Variants in RPTOR observed in about 807,000 individuals in gnomAD.
RPTOR encodes regulatory-associated protein of mTOR.
In RPTOR, 21 loss-of-function variants were observed where a neutral mutation model predicts 169.9. The ratio of observed to expected loss-of-function variants is 0.12; its 90% CI spans 0.09 to 0.18. The LOEUF (loss-of-function observed/expected upper bound fraction) is 0.18, where lower values mean the gene tolerates loss of function less well. RPTOR is among the 10% of genes least tolerant of loss of function. The pLI is 1.00. For missense variants in RPTOR, 1,133 were observed against 1,855.9 expected (o/e 0.61, Z 7.16); for synonymous variants, 732 against 753.2 (o/e 0.97, Z 0.46).
Position 80,936,038 on chromosome 17 carries a change from G to A in RPTOR, c.2920-4458G>A, listed in dbSNP as rs2068951371. Among the ~76,000 whole-genome samples, 1 of 152,144 alleles carries A rather than the reference G, an allele frequency of 6.6e-6. No homozygotes were observed. Among genetic ancestry groups the A allele is most frequent in the African/African-American group, 2.4e-5 (1 of 41,428 alleles). On this transcript the variant is annotated intron_variant, in intron 24 of 33. Coordinates refer to ENST00000306801, the MANE Select transcript of RPTOR (RefSeq NM_020761.3). The surrounding 1 kb of genome is among the most constrained non-coding windows in gnomAD (Gnocchi z 4.1). ...AAATAAGCAGCCCAATTAAAAAACA[G>A]TGGCGAAAGATTTTACAGACACCCC...
intron 3 of RPTOR, among the ~76,000 whole-genome samples, chr17:80,702,614 A>G (rs138760272): frequency 2.7e-3 from 412 of 152,344 alleles, no homozygotes; most frequent in Non-Finnish European, 4.3e-3. Flanking sequence ...GAGGCGTATT[A>G]TTAATATCTG....
chr17:80,731,232 A>C (rs547803766), intron 5 of RPTOR, among the ~76,000 whole-genome samples: 1 of 152,274 alleles, frequency 6.6e-6, no homozygotes, highest in African/African-American at 2.4e-5. Flanking sequence ...GTCATTTTTA[A>C]TCCAAACATT....
At position 80,726,370 on chromosome 17, in the gene RPTOR, G is replaced by A. The variant is rs533244089; in HGVS notation, c.508-4190G>A. On this transcript the variant is annotated intron_variant, in intron 4 of 33. Coordinates refer to ENST00000306801, the MANE Select transcript of RPTOR (RefSeq NM_020761.3). This position sits in a 1 kb window ranked among gnomAD's most constrained non-coding sequence, Gnocchi z 4.5. Reference sequence around the variant, plus strand: ...CCCTGCCGGTAACCTGGTGCTCGCCGCCCACAGATCACGGGGCGTGGAGGG... The same window carrying A: ...CCCTGCCGGTAACCTGGTGCTCGCCACCCACAGATCACGGGGCGTGGAGGG... 1.4e-4 allele frequency among the ~76,000 whole-genome samples: 22 copies of A among 152,320 alleles called. No individual in the cohort carries two copies. The highest frequency in any genetic ancestry group is 3.4e-3 in the Middle Eastern group (1 of 294).
chr17:80,859,687 TC>T (rs2067895552), intron 13 of RPTOR, among the ~76,000 whole-genome samples: 2 of 151,994 alleles, frequency 1.3e-5, no homozygotes, highest in African/African-American at 4.8e-5. Flanking sequence ...AGGTCCACGT[TC>T]CCCCCGGACT....
At chr17:80,875,376 C>A (rs1192524553) in intron 13 of RPTOR, among the ~76,000 whole-genome samples, 1 of 152,178 alleles carries the variant, frequency 6.6e-6, no homozygotes, top group African/African-American at 2.4e-5. Flanking sequence ...TTCTTCTCTT[C>A]TTCACCTCCC....
At chr17:80,751,204 T>C (rs980802221) in intron 5 of RPTOR, among the ~76,000 whole-genome samples, 1 of 152,182 alleles carries the variant, frequency 6.6e-6, no homozygotes, top group Non-Finnish European at 1.5e-5. Context: ...CCGAAAGCAC[T>C]GGGCGTGCTG....
chr17:80,849,914 T>C (rs2143725313), intron 11 of RPTOR, among the ~76,000 whole-genome samples: 1 of 152,336 alleles, frequency 6.6e-6, no homozygotes, highest in East Asian at 1.9e-4. Flanking sequence ...CTCAGTGCTG[T>C]GTGCCCCCAA....
In RPTOR at chr17:80,865,361, C is replaced by G. The variant is rs146269558; in HGVS notation, c.1509+7461C>G. 8.7e-3 allele frequency among the ~76,000 whole-genome samples: 1,320 copies of G among 152,234 alleles called. 9 individuals carry two copies. Among genetic ancestry groups the G allele is most frequent in the Non-Finnish European group, 0.013 (862 of 68,026 alleles). The stretch of plus-strand genomic sequence containing the variant: ...GCCACAATGAGAAGGCAGAGGCCAC[C>G]AGGTTGAAGAGCAAGAAAAAACCAT... On this transcript the variant is annotated intron_variant, in intron 13 of 33. Coordinates refer to ENST00000306801, the MANE Select transcript of RPTOR (RefSeq NM_020761.3).
chr17:80,760,898 A>T, intron 6 of RPTOR, among the ~76,000 whole-genome samples: 1 of 152,204 alleles, frequency 6.6e-6, no homozygotes, highest in Non-Finnish European at 1.5e-5. Context: ...GCTTTGCTTC[A>T]TTTGGACAAA....
chr17:80,602,379 C>T (rs575457318), intron 1 of RPTOR, among the ~76,000 whole-genome samples: 2 of 90,474 alleles, frequency 2.2e-5, no homozygotes, highest in Admixed American at 1.8e-4. Flanking sequence ...GGGGCTGACC[C>T]CCCCACCTCC....
At position 80,633,885 on chromosome 17, in the gene RPTOR, A is replaced by T. The variant is rs374835964; in HGVS notation, c.265+8092A>T. 4.6e-5 allele frequency among the ~76,000 whole-genome samples: 7 copies of T among 152,190 alleles called. No individual in the cohort carries two copies. The East Asian group carries it at 1.2e-3, about 25-fold the overall frequency. The stretch of plus-strand genomic sequence containing the variant: ...CTTCTTTGGCTTCTGTCTTGTTTGC[A>T]TCATTCGTGGAGCATGTGCTTACTT... On this transcript the variant is annotated intron_variant, in intron 2 of 33. Transcript: ENST00000306801. This position sits in a 1 kb window ranked among gnomAD's most constrained non-coding sequence, Gnocchi z 4.1.
At chr17:80,962,849 C>G in intron 32 of RPTOR, 79 bp from the exon 33 acceptor site, 1 of 1,591,148 alleles carries the variant, frequency 6.3e-7, no homozygotes, top group Non-Finnish European at 8.6e-7. Context: ...CGGCCTGTCC[C>G]CGCGGTCTCG....
chr17:80,746,336 G>C lies in RPTOR; in HGVS notation c.655-7674G>C, dbSNP rs915343594. Among the ~76,000 whole-genome samples the C allele has an allele frequency of 2.0e-5, 3 of 147,484 alleles. No homozygotes were observed. The highest frequency in any genetic ancestry group is 3.0e-5 in the Non-Finnish European group (2 of 66,618). On this transcript the variant is annotated intron_variant, in intron 5 of 33. Coordinates refer to ENST00000306801, the MANE Select transcript of RPTOR (RefSeq NM_020761.3). This position sits in a 1 kb window ranked among gnomAD's most constrained non-coding sequence, Gnocchi z 4.5. ...CCGCCCCCACAGCGGTGCTTTCTGC[G>C]GGTGATCCCCACCGCCCCCACAGCG...
At chr17:80,606,071 G>A (rs1040749500) in intron 1 of RPTOR, among the ~76,000 whole-genome samples, 1 of 152,100 alleles carries the variant, frequency 6.6e-6, no homozygotes, top group Non-Finnish European at 1.5e-5. Flanking sequence ...GAGTGCAGTG[G>A]TGCGATCTGG....
intron 11 of RPTOR, among the ~76,000 whole-genome samples, chr17:80,854,102 A>G (rs751061302): frequency 5.3e-5 from 8 of 152,242 alleles, no homozygotes; most frequent in Non-Finnish European, 7.3e-5. Context: ...CACATTTTGA[A>G]GTAGAAAACT....
intron 2 of RPTOR, among the ~76,000 whole-genome samples, chr17:80,641,289 G>T (rs551511314): frequency 1.3e-5 from 2 of 152,306 alleles, no homozygotes; most frequent in South Asian, 4.1e-4. Context: ...ATATTACCTG[G>T]TTTTTACCAA....
rs1349772235 is a variant in RPTOR at position 80,651,095 on chromosome 17, G to C, written c.348+7285G>C. On this transcript the variant is annotated intron_variant, in intron 3 of 33. Transcript: ENST00000306801. This position sits in a 1 kb window ranked among gnomAD's most constrained non-coding sequence, Gnocchi z 4.1. ...GCTGTTGTCGTTTCACAGATCTCAC[G>C]TGCCATGTGTGTTTCCTGAGTTAAC... Among the ~76,000 whole-genome samples, 1 of 152,148 alleles carries C rather than the reference G, an allele frequency of 6.6e-6. No homozygotes were observed. Among genetic ancestry groups the C allele is most frequent in the Non-Finnish European group, 1.5e-5 (1 of 68,030 alleles).
intron 9 of RPTOR, among the ~76,000 whole-genome samples, chr17:80,825,314 G>A (rs1675957764): frequency 6.6e-6 from 1 of 152,014 alleles, no homozygotes; most frequent in Admixed American, 6.5e-5. Context: ...GGCGAGTTCG[G>A]CACAGGGCAG....
chr17:80,641,557 G>A lies in RPTOR; in HGVS notation c.266-2171G>A, dbSNP rs191772077. Among the ~76,000 whole-genome samples, 21 of 152,234 alleles carry A rather than the reference G, an allele frequency of 1.4e-4. No individual in the cohort carries two copies. In the East Asian group the frequency reaches 3.7e-3, roughly 27 times the overall value. On this transcript the variant is annotated intron_variant, in intron 2 of 33. Coordinates refer to ENST00000306801, the MANE Select transcript of RPTOR (RefSeq NM_020761.3). Reference sequence around the variant, plus strand: ...TACAGGTGGCTCTTGGAGATCCTGCGGGTGTGGCTCTAGACGACTGCAATA... The same window carrying A: ...TACAGGTGGCTCTTGGAGATCCTGCAGGTGTGGCTCTAGACGACTGCAATA...
Sources: gnomAD v4.1 joint callset for allele counts (sites outside exome capture counted in the v4.1 genomes callset) on GRCh38, gnomAD v4.1.1 for gene constraint, Gnocchi (gnomAD v3.1) non-coding constraint, MANE v1.5 for transcripts, NCBI Gene and HGNC (gene_info 2026-07-23, HGNC 2026-07-21) for gene names.